SPINDOC: variants seen among roughly 807,000 people sequenced by gnomAD.
SPINDOC encodes spindlin interactor and repressor of chromatin binding, also known as spindlin interactor and repressor of chromatin-binding protein.
In SPINDOC, 13 loss-of-function variants were observed where a neutral mutation model predicts 30.7. The ratio of observed to expected loss-of-function variants is 0.42; its 90% confidence interval spans 0.28 to 0.67. SPINDOC has a LOEUF of 0.67. SPINDOC is among the 30% of genes least tolerant of loss of function. SPINDOC has a pLI of 0.22. For missense variants in SPINDOC, 438 were observed against 518.0 expected, an observed-to-expected ratio of 0.85 and a Z score of 1.50; for synonymous variants, 228 against 211.4, an observed-to-expected ratio of 1.08 and a Z score of -0.68.
chr11:63,817,358 T>A (rs1486757007), intron 1 of SPINDOC, among the ~76,000 whole-genome samples: 1 of 151,974 alleles, frequency 6.6e-6, no homozygotes, highest in African/African-American at 2.4e-5. Context: ...AATAAATAAA[T>A]AAAATTTAAA....
chr11:63,826,292 C>T (rs1022974362), intron 5 of SPINDOC, among the ~76,000 whole-genome samples: 1 of 152,144 alleles, frequency 6.6e-6, no homozygotes, highest in Non-Finnish European at 1.5e-5. Context: ...TTTATGGCTG[C>T]ACGCAGCCAC....
At chr11:63,823,021 C>A in intron 5 of SPINDOC, 2 of 1,049,388 alleles carry the variant, frequency 1.9e-6, no homozygotes, top group Non-Finnish European at 2.6e-6. Context: ...GCCTGGGAAA[C>A]CATAGAGGAT....
chr11:63,824,427 C>A (rs1226513472), intron 5 of SPINDOC, among the ~76,000 whole-genome samples: 2 of 152,180 alleles, frequency 1.3e-5, no homozygotes, highest in Non-Finnish European at 2.9e-5. Flanking sequence ...AATGTAAGGG[C>A]CTGCAGGTTA....
chr11:63,827,356 A>G lies in SPINDOC; in HGVS notation c.*217A>G. On this transcript the variant is annotated 3_prime_UTR_variant, in exon 6 of 6. Transcript: ENST00000294244. ...GCGAGGGTGGCTGAGGCTGTTGTGC[A>G]GTAGGGCACTGGGCCTGTGGAGAAC... The G allele has an allele frequency of 1.7e-5, 13 of 758,124 alleles. No homozygotes were observed. Among genetic ancestry groups the G allele is most frequent in the Non-Finnish European group, 6.3e-6 (3 of 479,590 alleles). 47.0% of individuals were successfully genotyped at this position (758,124 alleles called of 1,614,324 possible). A position where few individuals can be genotyped will look rare whatever the true frequency, so the allele number is the denominator to read the frequency against.
intron 5 of SPINDOC, among the ~76,000 whole-genome samples, chr11:63,820,889 CAAAAAA>C (rs60839586): frequency 1.3e-5 from 1 of 74,458 alleles, no homozygotes; most frequent in Non-Finnish European, 2.5e-5. Flanking sequence ...AACTCCGTCT[CAAAAAA>C]AAAAAAAAAA....
chr11:63,816,486 A>C (rs1249747465), intron 1 of SPINDOC, among the ~76,000 whole-genome samples: 1 of 152,130 alleles, frequency 6.6e-6, no homozygotes, highest in Non-Finnish European at 1.5e-5. Flanking sequence ...TGGTCGCATG[A>C]GAGATAGGTA....
intron 5 of SPINDOC, chr11:63,822,712 G>A: frequency 3.1e-6 from 4 of 1,288,594 alleles, no homozygotes; most frequent in South Asian, 2.5e-5. Context: ...GAGTCTCCTG[G>A]TCCTCTCCGG....
intron 1 of SPINDOC, among the ~76,000 whole-genome samples, chr11:63,816,536 T>C (rs924338914): frequency 4.6e-5 from 7 of 152,108 alleles, no homozygotes; most frequent in South Asian, 2.1e-4. Context: ...CCACCTCTTG[T>C]ATCCATGCAA....
In SPINDOC at chr11:63,813,553, G is replaced by T; in HGVS notation, c.-134G>T. Reference sequence around the variant, plus strand: ...CCCGGCCGGCGAGCGGCGGGCGGGCGGCGGGGAGGGGGCTGCGCGGGGCGG... The same window carrying T: ...CCCGGCCGGCGAGCGGCGGGCGGGCTGCGGGGAGGGGGCTGCGCGGGGCGG... On this transcript the variant is annotated 5_prime_UTR_variant, in exon 1 of 6. Transcript: ENST00000294244. 1 of 733,460 alleles carries T rather than the reference G, an allele frequency of 1.4e-6. No individual in the cohort carries two copies. The highest frequency in any genetic ancestry group is 6.0e-5 in the South Asian group (1 of 16,746). The allele number at this position is 733,460 out of a possible 1,614,324, so 45.4% of individuals were successfully genotyped here. A position where few individuals can be genotyped will look rare whatever the true frequency, so the allele number is the denominator to read the frequency against.
chr11:63,818,028 C>T lies in SPINDOC; in HGVS notation c.351C>T (p.Thr117=). ...ACATCTTGGAGCAGCACCCTCACAC[C>T]TTGGACCTGAGCCCTTCTGAGAAGA... ...RSHILEQHPH[T]LDLSPSEKSN... The change falls in exon 2 of 6, where the codon ACC becomes ACT. Residue 117 remains threonine, a synonymous_variant. Transcript: ENST00000294244. This position sits in a 1 kb window ranked among gnomAD's most constrained non-coding sequence, Gnocchi z 5.3. The T allele has an allele frequency of 6.2e-7, 1 of 1,614,234 alleles. No homozygotes were observed.
chr11:63,825,945 C>CT (rs35274282), intron 5 of SPINDOC, among the ~76,000 whole-genome samples: 2,199 of 146,924 alleles, frequency 0.015, 54 homozygotes, highest in East Asian at 0.06. Flanking sequence ...TGTAATGTAA[C>CT]TTTTTTTTTT....
At chr11:63,814,685 C>A (rs2015293238) in intron 1 of SPINDOC, among the ~76,000 whole-genome samples, 2 of 152,206 alleles carry the variant, frequency 1.3e-5, no homozygotes, top group African/African-American at 4.8e-5. Context: ...TGAACTTCAG[C>A]CGAACAGAAT....
intron 5 of SPINDOC, among the ~76,000 whole-genome samples, chr11:63,820,889 C>CAAAAA (rs60839586): frequency 6.7e-5 from 5 of 74,428 alleles, no homozygotes; most frequent in Non-Finnish European, 1.3e-4. Flanking sequence ...AACTCCGTCT[C>CAAAAA]AAAAAAAAAA....
rs546109389 is a variant in SPINDOC, at chr11:63,816,510, G to A, written c.128-1295G>A. 8.5e-5 allele frequency among the ~76,000 whole-genome samples: 13 copies of A among 152,204 alleles called. No homozygotes were observed. The South Asian group carries it at 1.9e-3, about 22-fold the overall frequency. ...GAGAGATAGGTACAAGACATATCTC[G>A]TATCTCTTTCAGACACCACCTCTTG... On this transcript the variant is annotated intron_variant, in intron 1 of 5. Transcript: ENST00000294244.
chr11:63,818,891 G>A lies in SPINDOC; in HGVS notation c.823G>A (p.Val275Ile), dbSNP rs769395077. The change falls in exon 5 of 6, where the codon GTC becomes ATC. Residue 275 changes from valine to isoleucine, a missense_variant. By Grantham distance (29) the Val-to-Ile change is conservative. This residue lies in a region of SPINDOC where 300 missense variants were observed against 332.8 expected (regional missense o/e 0.90). Coordinates refer to ENST00000294244, the MANE Select transcript of SPINDOC (RefSeq NM_138471.3). This position sits in a 1 kb window ranked among gnomAD's most constrained non-coding sequence, Gnocchi z 5.3. ...FTDGSFPAGF[V>I]LQLFSHTQLR... ...TGACGGCAGCTTCCCCGCCGGCTTC[G>A]TCTTGCAGCTCTTCTCCCACACCCA... 18 of 1,614,026 alleles carry A rather than the reference G, an allele frequency of 1.1e-5. No homozygotes were observed. Among genetic ancestry groups the A allele is most frequent in the Middle Eastern group, 1.6e-4 (1 of 6,084 alleles).
At position 63,813,539 on chromosome 11, in the gene SPINDOC, A is replaced by G; in HGVS notation, c.-148A>G. On this transcript the variant is annotated 5_prime_UTR_variant, in exon 1 of 6. Transcript: ENST00000294244. ...GCGCCGGTCGCAGGCCCGGCCGGCG[A>G]GCGGCGGGCGGGCGGCGGGGAGGGG... 3.3e-6 allele frequency: 2 copies of G among 607,524 alleles called. No individual in the cohort carries two copies. Among genetic ancestry groups the G allele is most frequent in the Non-Finnish European group, 4.1e-6 (2 of 488,224 alleles). 37.6% of individuals were successfully genotyped at this position (607,524 alleles called of 1,614,324 possible). A position where few individuals can be genotyped will look rare whatever the true frequency, so the allele number is the denominator to read the frequency against.
In SPINDOC at chr11:63,819,223, T is replaced by C. The variant is rs186010167; in HGVS notation, c.934+221T>C. ...GAGCTTTTCTTTTTCTGTTTGTTTG[T>C]TTTTTGAGACGGAATCTTGCTCTGT... On this transcript the variant is annotated intron_variant, in intron 5 of 5. Transcript: ENST00000294244. 3.3e-3 allele frequency among the ~76,000 whole-genome samples: 510 copies of C among 152,354 alleles called. 3 individuals are homozygous for C. The highest frequency in any genetic ancestry group is 0.012 in the African/African-American group (481 of 41,584).
At chr11:63,823,108 C>T (rs1432158918) in intron 5 of SPINDOC, 1 of 1,280,318 alleles carries the variant, frequency 7.8e-7, no homozygotes. Flanking sequence ...GTGAGACAGC[C>T]TTTGTCCCCC....
chr11:63,826,937 C>A lies in SPINDOC; in HGVS notation c.944C>A (p.Pro315Gln). The A allele has an allele frequency of 6.5e-7, 1 of 1,540,914 alleles. No individual in the cohort carries two copies. The highest frequency in any genetic ancestry group is 9.0e-7 in the Non-Finnish European group (1 of 1,115,582). The stretch of plus-strand genomic sequence containing the variant: ...TCTCATCCCTGCCCAGCTCCCCCTC[C>A]GGGGCTCCGCGGGACACTGGATCTC... ...RAESPSPAPP[P>Q]GLRGTLDLQV... Residue 315 changes from proline (P) to glutamine (Q), a missense_variant, in exon 6 of 6, where the codon CCG becomes CAG. Physicochemically the swap from Pro to Gln is moderately conservative, Grantham distance 76. Around this residue, in one of 3 missense-constraint regions of SPINDOC, gnomAD observed 300 missense variants for 332.8 expected, o/e 0.90. Coordinates refer to ENST00000294244, the MANE Select transcript of SPINDOC (RefSeq NM_138471.3).
Sources: allele counts gnomAD v4.1 joint callset (sites outside exome capture counted in the v4.1 genomes callset), GRCh38; gene constraint gnomAD v4.1.1; regional missense constraint gnomAD v4.1.1; non-coding constraint Gnocchi (gnomAD v3.1); transcripts MANE v1.5; gene names NCBI Gene and HGNC (gene_info 2026-07-23, HGNC 2026-07-21).